MAPK10: variants seen among roughly 807,000 people sequenced by gnomAD.
The protein encoded by MAPK10 is mitogen-activated protein kinase 10.
In MAPK10, 25 loss-of-function variants were observed where a neutral mutation model predicts 59.3. That is an observed-to-expected ratio of 0.42 (90% CI 0.31 to 0.59). The LOEUF (loss-of-function observed/expected upper bound fraction) is 0.59, where lower values mean the gene tolerates loss of function less well. MAPK10 is among the 20% of genes least tolerant of loss of function. The pLI is 0.15. For missense variants in MAPK10, 351 were observed against 568.9 expected (o/e 0.62, Z 3.90); for synonymous variants, 190 against 200.5 (o/e 0.95, Z 0.44).
intron 2 of MAPK10, among the ~76,000 whole-genome samples, chr4:86,313,178 G>A (rs147007916): frequency 6.6e-6 from 1 of 152,118 alleles, no homozygotes; most frequent in Non-Finnish European, 1.5e-5. Flanking sequence ...TGATGGTTCT[G>A]CATCCATTGA....
chr4:86,347,667 C>T (rs1464693836), intron 2 of MAPK10, among the ~76,000 whole-genome samples: 4 of 152,164 alleles, frequency 2.6e-5, no homozygotes, highest in African/African-American at 4.8e-5. Flanking sequence ...CAAATAGATC[C>T]GGTGTCTGTT....
chr4:86,209,253 T>C (rs1158349059), intron 2 of MAPK10, among the ~76,000 whole-genome samples: 4 of 152,118 alleles, frequency 2.6e-5, no homozygotes, highest in Non-Finnish European at 4.4e-5. Context: ...TATGGATACA[T>C]TTCTAAAGCA....
chr4:86,374,620 T>C (rs964607489), intron 1 of MAPK10, among the ~76,000 whole-genome samples: 14 of 152,138 alleles, frequency 9.2e-5, no homozygotes, highest in African/African-American at 3.4e-4. Context: ...ATACACAGCT[T>C]TTTAAAAATG....
chr4:86,555,682 C>G (rs1278869669), intron 1 of MAPK10, among the ~76,000 whole-genome samples: 1 of 152,080 alleles, frequency 6.6e-6, no homozygotes, highest in Non-Finnish European at 1.5e-5. Context: ...CTTTCCTTGA[C>G]TATCTTTATT....
At chr4:86,114,425 G>A (rs2058007122) in intron 4 of MAPK10, among the ~76,000 whole-genome samples, 1 of 152,088 alleles carries the variant, frequency 6.6e-6, no homozygotes, top group African/African-American at 2.4e-5. Flanking sequence ...TAACAGTATG[G>A]CCCAACTTCC....
intron 3 of MAPK10, among the ~76,000 whole-genome samples, chr4:86,174,110 C>A (rs1267621334): frequency 1.1e-4 from 16 of 152,166 alleles, no homozygotes; most frequent in Admixed American, 7.2e-4. Flanking sequence ...ACCCAGCAAT[C>A]CCATTACTGG....
intron 4 of MAPK10, among the ~76,000 whole-genome samples, chr4:86,140,954 T>TA (rs1353325128): frequency 6.6e-6 from 1 of 152,212 alleles, no homozygotes; most frequent in Non-Finnish European, 1.5e-5. Context: ...ACATAAATTA[T>TA]GCATTTCTCT....
chr4:86,364,681 G>C (rs1360667143), upstream of MAPK10, among the ~76,000 whole-genome samples: 1 of 152,050 alleles, frequency 6.6e-6, no homozygotes, highest in Non-Finnish European at 1.5e-5. Context: ...TTCCCGGTTG[G>C]ATAAAACCAA....
intron 1 of MAPK10, among the ~76,000 whole-genome samples, chr4:86,423,769 A>ATATATATATATATATATATAT (rs1491464873): frequency 1.7e-5 from 1 of 59,124 alleles, no homozygotes; most frequent in African/African-American, 4.9e-5. Flanking sequence ...GGATATATAT[A>ATATATATATATATATATATAT]CATATATATA....
chr4:86,204,345 T>A (rs2083334181), intron 2 of MAPK10, among the ~76,000 whole-genome samples: 1 of 152,004 alleles, frequency 6.6e-6, no homozygotes, highest in East Asian at 1.9e-4. Context: ...AAAACTTAGA[T>A]GTTTCTTAAA....
At chr4:86,101,811 T>A (rs2055451821) in intron 7 of MAPK10, 83 bp downstream of exon 7, 1 of 1,399,418 alleles carries the variant, frequency 7.1e-7, no homozygotes, top group Middle Eastern at 1.8e-4. Context: ...ATTTGACCAA[T>A]GCCCCCCGTA....
Position 86,013,903 on chromosome 4 carries a change from A to G in MAPK10, c.*3325T>C. ...ATCAGTTTTTATTCCACAAGAAGAA[A>G]TTCCGTTGTAAGGCTAGTGTATTCC... is the stretch of plus-strand genomic sequence containing the variant. On this transcript the variant is annotated 3_prime_UTR_variant, in exon 14 of 14. Coordinates refer to ENST00000641462, the MANE Select transcript of MAPK10 (RefSeq NM_138982.4). 1 of 152,216 alleles carries G rather than the reference A, an allele frequency of 6.6e-6. No homozygotes were observed. The allele number at this position is 152,216 out of a possible 1,614,324, so 9.4% of individuals were successfully genotyped here.
intron 1 of MAPK10, among the ~76,000 whole-genome samples, chr4:86,555,341 G>A (rs1409236198): frequency 6.6e-6 from 1 of 152,160 alleles, no homozygotes; most frequent in Non-Finnish European, 1.5e-5. Context: ...AGCTACTCTG[G>A]AGGCTGAGGC....
At chr4:86,491,862 AT>A (rs1754479073) in intron 1 of MAPK10, among the ~76,000 whole-genome samples, 1 of 151,938 alleles carries the variant, frequency 6.6e-6, no homozygotes, top group South Asian at 2.1e-4. Flanking sequence ...ATTTTATTTT[AT>A]TTTTTTAGCT....
intron 2 of MAPK10, among the ~76,000 whole-genome samples, chr4:86,197,092 T>C (rs376795310): frequency 6.6e-6 from 1 of 152,208 alleles, no homozygotes; most frequent in African/African-American, 2.4e-5. Context: ...TCTAATTCTG[T>C]GAAGAAAGTC....
intron 9 of MAPK10, among the ~76,000 whole-genome samples, chr4:86,077,415 C>A (rs1318413579): frequency 6.6e-6 from 1 of 152,008 alleles, no homozygotes; most frequent in Non-Finnish European, 1.5e-5. Context: ...TTGCACAGGC[C>A]CCTTATAAGA....
intron 1 of MAPK10, among the ~76,000 whole-genome samples, chr4:86,559,560 A>G (rs1760514755): frequency 6.6e-6 from 1 of 152,166 alleles, no homozygotes; most frequent in South Asian, 2.1e-4. Flanking sequence ...ACATTTCAGG[A>G]AAGGGTGAAG....
chr4:86,106,724 A>G (rs1475532575), intron 5 of MAPK10: 1 of 152,120 alleles, frequency 6.6e-6, no homozygotes, highest in African/African-American at 2.4e-5. Context: ...GAAAAAAATA[A>G]GATGCCAACA....
intron 2 of MAPK10, among the ~76,000 whole-genome samples, chr4:86,296,671 G>A (rs899947318): frequency 6.6e-6 from 1 of 152,112 alleles, no homozygotes; most frequent in Non-Finnish European, 1.5e-5. Flanking sequence ...GCCACAGACT[G>A]GGTAAGACAA....
Sources: gnomAD v4.1 joint callset for allele counts (sites outside exome capture counted in the v4.1 genomes callset) on GRCh38, gnomAD v4.1.1 for gene constraint, MANE v1.5 for transcripts, NCBI Gene and HGNC (gene_info 2026-07-23, HGNC 2026-07-21) for gene names.